The following IL1RAPL1 variants were observed in gnomAD, a reference collection of about 807,000 sequenced individuals.
The protein encoded by IL1RAPL1 is interleukin 1 receptor accessory protein like 1.
In IL1RAPL1, 3 loss-of-function variants were observed where a neutral mutation model predicts 48.4. The ratio of observed to expected loss-of-function variants is 0.06; its 90% CI spans 0.03 to 0.16. The LOEUF is 0.16. Ranked by LOEUF, IL1RAPL1 falls within the 10% of genes least tolerant of loss-of-function variation. IL1RAPL1 has a pLI of 1.00. For missense variants in IL1RAPL1, 349 were observed against 530.6 expected (o/e 0.66, Z 3.36); for synonymous variants, 185 against 187.7 (o/e 0.99, Z 0.12).
intron 2 of IL1RAPL1, among the ~76,000 whole-genome samples, chrX:29,203,932 A>T: frequency 9.2e-6 from 1 of 109,238 alleles, no homozygotes; most frequent in East Asian, 2.9e-4. Context: ...AAGCTCCCAC[A>T]TATGAGTAAG....
At chrX:29,766,342 A>AAAAAT (rs1200679211) in intron 6 of IL1RAPL1, among the ~76,000 whole-genome samples, 8 of 47,507 alleles carry the variant, frequency 1.7e-4, no homozygotes, top group African/African-American at 7.2e-4. Flanking sequence ...AAAAAAAAAA[A>AAAAAT]ATATATATAT....
chrX:28,761,832 A>G (rs757135145), intron 1 of IL1RAPL1, among the ~76,000 whole-genome samples: 1 of 112,377 alleles, frequency 8.9e-6, no homozygotes, highest in African/African-American at 3.2e-5. Flanking sequence ...GAGAAAAGAA[A>G]AAACGGAGAT....
intron 2 of IL1RAPL1, among the ~76,000 whole-genome samples, chrX:28,998,426 T>C (rs1206096017): frequency 8.9e-6 from 1 of 111,846 alleles, no homozygotes; most frequent in Non-Finnish European, 1.9e-5. Flanking sequence ...TCTCAACATA[T>C]TAATGGGAAT....
At chrX:28,598,998 G>A (rs1190883281) in intron 1 of IL1RAPL1, among the ~76,000 whole-genome samples, 1 of 109,319 alleles carries the variant, frequency 9.1e-6, no homozygotes, top group African/African-American at 3.3e-5. Flanking sequence ...CCAGCACTTT[G>A]GGAGGCCGAG....
intron 3 of IL1RAPL1, among the ~76,000 whole-genome samples, chrX:29,338,792 C>T (rs1355698859): frequency 9.0e-6 from 1 of 110,892 alleles, no homozygotes; most frequent in Admixed American, 9.7e-5. Context: ...CTGTGAGGCC[C>T]TATCTTTCTG....
At chrX:29,391,978 C>G (rs1295692444) in intron 3 of IL1RAPL1, among the ~76,000 whole-genome samples, 1 of 112,086 alleles carries the variant, frequency 8.9e-6, no homozygotes, top group Non-Finnish European at 1.9e-5. Flanking sequence ...AGTTGTTTCT[C>G]CAATATGTTG....
intron 3 of IL1RAPL1, among the ~76,000 whole-genome samples, chrX:29,290,269 A>G (rs1308784649): frequency 1.8e-5 from 2 of 111,733 alleles, no homozygotes; most frequent in Non-Finnish European, 3.8e-5. Flanking sequence ...TACAACTAAA[A>G]AGTCTGCATG....
chrX:28,795,830 G>A (rs779964197), intron 2 of IL1RAPL1, among the ~76,000 whole-genome samples: 1 of 111,042 alleles, frequency 9.0e-6, no homozygotes, highest in Non-Finnish European at 1.9e-5. Context: ...GAGGGAAGCA[G>A]TATAGAAGCT....
intron 6 of IL1RAPL1, among the ~76,000 whole-genome samples, chrX:29,870,153 A>T (rs987715579): frequency 1.8e-5 from 2 of 112,676 alleles, no homozygotes; most frequent in Non-Finnish European, 3.7e-5. Context: ...CATCATTCAG[A>T]GTCAATGAAT....
intron 1 of IL1RAPL1, among the ~76,000 whole-genome samples, chrX:28,644,132 T>TAA (rs1934581271): frequency 1.8e-5 from 2 of 110,356 alleles, no homozygotes; most frequent in African/African-American, 3.3e-5. Context: ...TATATATATA[T>TAA]AATATACTCT....
chrX:28,614,397 C>G (rs1363527716), intron 1 of IL1RAPL1, among the ~76,000 whole-genome samples: 3 of 111,045 alleles, frequency 2.7e-5, no homozygotes, highest in Non-Finnish European at 3.8e-5. Flanking sequence ...GCAGATATTT[C>G]ATTAAAACAC....
At chrX:29,495,495 A>G (rs1241677229) in intron 5 of IL1RAPL1, among the ~76,000 whole-genome samples, 1 of 111,378 alleles carries the variant, frequency 9.0e-6, no homozygotes, top group Non-Finnish European at 1.9e-5. Flanking sequence ...TTTACATTTA[A>G]TCACCTTTCC....
intron 2 of IL1RAPL1, among the ~76,000 whole-genome samples, chrX:29,019,464 A>T (rs904132762): frequency 4.5e-5 from 5 of 111,488 alleles, no homozygotes; most frequent in African/African-American, 1.6e-4. Flanking sequence ...TTTAGTGATG[A>T]ACGAACAATA....
chrX:29,160,384 T>C (rs1929658357), intron 2 of IL1RAPL1, among the ~76,000 whole-genome samples: 1 of 111,856 alleles, frequency 8.9e-6, no homozygotes, highest in Non-Finnish European at 1.9e-5. Context: ...ATGGGTTTTA[T>C]TTTTATTTAA....
intron 5 of IL1RAPL1, among the ~76,000 whole-genome samples, chrX:29,565,419 CA>C (rs1458357109): frequency 9.2e-6 from 1 of 109,247 alleles, no homozygotes. Flanking sequence ...ATGTATAAAA[CA>C]AAAGATCACT....
At chrX:29,415,515 G>T (rs1478554336) in intron 5 of IL1RAPL1, among the ~76,000 whole-genome samples, 1 of 110,806 alleles carries the variant, frequency 9.0e-6, no homozygotes, top group Admixed American at 9.6e-5. Context: ...TGCCTCCCGG[G>T]TTCAAGTGAT....
chrX:29,803,505 GTGTATATATGTATATA>G (rs201536628), intron 6 of IL1RAPL1, among the ~76,000 whole-genome samples: 1 of 91,597 alleles, frequency 1.1e-5, no homozygotes, highest in African/African-American at 4.6e-5. Flanking sequence ...GTATACATAT[GTGTATATATGTATATA>G]TGTATATATG....
intron 7 of IL1RAPL1, among the ~76,000 whole-genome samples, chrX:29,919,633 A>G (rs929851116): frequency 8.9e-6 from 1 of 112,328 alleles, no homozygotes; most frequent in Admixed American, 9.4e-5. Context: ...CTTACATAAT[A>G]TTTCTTCTTA....
chrX:28,729,038 A>G (rs1044491141), intron 1 of IL1RAPL1, among the ~76,000 whole-genome samples: 97 of 112,222 alleles, frequency 8.6e-4, no homozygotes, highest in African/African-American at 3.0e-3. Context: ...ACTCTGTATT[A>G]TCATTTGCTT....
Sources: gnomAD v4.1 joint callset for allele counts (sites outside exome capture counted in the v4.1 genomes callset) on GRCh38, gnomAD v4.1.1 for gene constraint, MANE v1.5 for transcripts, NCBI Gene and HGNC (gene_info 2026-07-23, HGNC 2026-07-21) for gene names.